TTYH2: variants seen among roughly 807,000 people sequenced by gnomAD.
TTYH2 encodes tweety family member 2.
Under a neutral mutation model 68.3 loss-of-function variants are expected in TTYH2, and 49 were observed. The observed-to-expected ratio is 0.72, with a 90% confidence interval of 0.57 to 0.91. The LOEUF (loss-of-function observed/expected upper bound fraction) is 0.91. Ranked by LOEUF, TTYH2 falls within the 40% of genes least tolerant of loss-of-function variation. The pLI is 0.00. For missense variants in TTYH2, 631 were observed against 700.4 expected, an observed-to-expected ratio of 0.90 and a Z score of 1.12; for synonymous variants, 272 against 300.8, an observed-to-expected ratio of 0.90 and a Z score of 0.99.
At chr17:74,233,399 A>T (rs549442239) in intron 3 of TTYH2, among the ~76,000 whole-genome samples, 1 of 152,358 alleles carries the variant, frequency 6.6e-6, no homozygotes, top group Admixed American at 6.5e-5. Context: ...AATGTCAGTG[A>T]AAGTGCTGGT....
At position 74,260,162 on chromosome 17, in the gene TTYH2, G is replaced by C. The variant is rs746139379; in HGVS notation, c.1558G>C (p.Val520Leu). 28 of 1,613,962 alleles carry C rather than the reference G, an allele frequency of 1.7e-5. No homozygotes were observed. In the South Asian group the frequency reaches 2.7e-4, roughly 16 times the overall value. ...CAGCATGAGAGCCACCTACCTGTCT[G>C]TGGCGGATGAGCACCTGAGGCACTA... ...SPSMRATYLS[V>L]ADEHLRHYGN... is the part of the protein sequence containing the mutation. The change falls in exon 14 of 14, where the codon GTG (valine) becomes CTG (leucine). Residue 520 changes from valine to leucine, a missense_variant. Transcript: ENST00000269346.
intron 9 of TTYH2, 84 bp from the exon 10 acceptor site, chr17:74,250,181 C>A: frequency 6.8e-7 from 1 of 1,480,750 alleles, no homozygotes; most frequent in Admixed American, 1.9e-5. Context: ...CTCTAGAGGC[C>A]CCTGAGCACA....
At position 74,250,083 on chromosome 17, in the gene TTYH2, C is replaced by G. The variant is rs73996938; in HGVS notation, c.1023+55C>G. The stretch of plus-strand genomic sequence containing the variant: ...CCCAGATGAACCCTGACAGCCCTTT[C>G]CCCTGCCCCGGCCCCAGGGCCAGGC... On this transcript the variant is annotated intron_variant, in intron 9 of 13. Coordinates refer to ENST00000269346, the MANE Select transcript of TTYH2 (RefSeq NM_032646.6). 47 of 1,592,614 alleles carry G rather than the reference C, an allele frequency of 3.0e-5. 2 individuals carry two copies. In the South Asian group the frequency reaches 5.2e-4, roughly 18 times the overall value.
rs144341487 is a variant in TTYH2 at position 74,240,161 on chromosome 17, G to A, written c.635+2647G>A. On this transcript the variant is annotated intron_variant, in intron 4 of 13. Coordinates refer to ENST00000269346, the MANE Select transcript of TTYH2 (RefSeq NM_032646.6). ...CCCACTGCTTATTCGGGTTGAGGCA[G>A]AAGAGGTTTGGCTCATGCTGTAATC... 5.9e-5 allele frequency among the ~76,000 whole-genome samples: 9 copies of A among 152,318 alleles called. No individual in the cohort carries two copies. The East Asian group carries it at 1.4e-3, about 23-fold the overall frequency.
rs1356387364 is a variant in TTYH2, at chr17:74,213,815, G to C, written c.129+99G>C. 9 of 1,438,276 alleles carry C rather than the reference G, an allele frequency of 6.3e-6. No individual in the cohort carries two copies. Among genetic ancestry groups the C allele is most frequent in the Non-Finnish European group, 7.6e-6 (8 of 1,058,688 alleles). The allele number at this position is 1,438,276 out of a possible 1,614,324, so 89.1% of individuals were successfully genotyped here. On this transcript the variant is annotated intron_variant, in intron 1 of 13. Coordinates refer to ENST00000269346, the MANE Select transcript of TTYH2 (RefSeq NM_032646.6). The surrounding 1 kb of genome is among the most constrained non-coding windows in gnomAD (Gnocchi z 6.1). ...CCTGCACTTTCCCACGTGCCTCTCA[G>C]ACCCCTTCTCTCCCCGCGCAGCCCT...
intron 1 of TTYH2, among the ~76,000 whole-genome samples, chr17:74,219,933 A>G (rs1183581058): frequency 6.6e-6 from 1 of 150,400 alleles, no homozygotes; most frequent in Non-Finnish European, 1.5e-5. Flanking sequence ...TTGCTGGGTC[A>G]TGGCATGCAT....
chr17:74,252,155 G>A (rs2050637452), intron 10 of TTYH2, 79 bp from the exon 11 acceptor site: 2 of 1,575,302 alleles, frequency 1.3e-6, no homozygotes, highest in South Asian at 2.3e-5. Flanking sequence ...TCGGGGGAGA[G>A]GGACTTCCAG....
Position 74,215,221 on chromosome 17 carries a change from G to A in TTYH2, c.129+1505G>A, listed in dbSNP as rs2050210973. Among the ~76,000 whole-genome samples the A allele has an allele frequency of 6.7e-6, 1 of 150,058 alleles. No individual in the cohort carries two copies. Among genetic ancestry groups the A allele is most frequent in the Admixed American group, 6.6e-5 (1 of 15,152 alleles). ...TGTGTGTGTCCCCATCCCAAACCCT[G>A]TGCCCCACATCCCACACCCGGGGTC... On this transcript the variant is annotated intron_variant, in intron 1 of 13. Transcript: ENST00000269346. The surrounding 1 kb of genome is among the most constrained non-coding windows in gnomAD (Gnocchi z 4.3).
intron 13 of TTYH2, 128 bp downstream of exon 13, chr17:74,253,961 C>A: frequency 1.0e-6 from 1 of 988,280 alleles, no homozygotes; most frequent in Non-Finnish European, 1.5e-6. Flanking sequence ...ATGCACTAAA[C>A]CAGACCGTCG....
rs889765440 is a variant in TTYH2 at position 74,213,680 on chromosome 17, C to G, written c.93C>G (p.Asn31Lys). 4.3e-6 allele frequency: 7 copies of G among 1,612,844 alleles called. No individual in the cohort carries two copies. In the African/African-American group the frequency reaches 8.0e-5, roughly 18 times the overall value. The change falls in exon 1 of 14, where the codon AAC (asparagine) becomes AAG (lysine). Residue 31 changes from asparagine to lysine, a missense_variant. Asn to Lys is a moderately conservative substitution (Grantham distance 94). Transcript: ENST00000269346. The surrounding 1 kb of genome is among the most constrained non-coding windows in gnomAD (Gnocchi z 6.1). Reference sequence around the variant, plus strand: ...TCGGCCTGCGCCTGCAGCCCGTGAACAGCACCTTCAGCCCCGGCGACGAGA... The same window carrying G: ...TCGGCCTGCGCCTGCAGCCCGTGAAGAGCACCTTCAGCCCCGGCGACGAGA... ...PHVGLRLQPV[N>K]STFSPGDESY...
At chr17:74,244,525 C>G (rs1053947231) in intron 6 of TTYH2, among the ~76,000 whole-genome samples, 1 of 152,164 alleles carries the variant, frequency 6.6e-6, no homozygotes, top group African/African-American at 2.4e-5. Context: ...CCTTCCATCC[C>G]AATGTCCCAG....
At chr17:74,248,602 G>A in intron 6 of TTYH2, 2 of 1,062,238 alleles carry the variant, frequency 1.9e-6, no homozygotes, top group Middle Eastern at 4.5e-4. Context: ...CAGCAGATGA[G>A]GCCATGGTGT....
At chr17:74,253,044 C>T (rs755073226) in intron 11 of TTYH2, 37 bp from the exon 12 acceptor site, 2 of 1,609,512 alleles carry the variant, frequency 1.2e-6, no homozygotes, top group East Asian at 4.5e-5. Flanking sequence ...GCCTCCTTCA[C>T]CCTTCACAGC....
At position 74,214,725 on chromosome 17, in the gene TTYH2, G is replaced by C. The variant is rs1003437846; in HGVS notation, c.129+1009G>C. ...TGTTGGGTCAAAGATTCTGGGGCCA[G>C]TGGACCAGGATGAGGTCCATTTATT... On this transcript the variant is annotated intron_variant, in intron 1 of 13. Coordinates refer to ENST00000269346, the MANE Select transcript of TTYH2 (RefSeq NM_032646.6). The surrounding 1 kb of genome is among the most constrained non-coding windows in gnomAD (Gnocchi z 4.6). Among the ~76,000 whole-genome samples the C allele has an allele frequency of 6.6e-6, 1 of 152,210 alleles. No individual in the cohort carries two copies. The highest frequency in any genetic ancestry group is 1.5e-5 in the Non-Finnish European group (1 of 68,032).
chr17:74,227,550 A>T (rs569369950), intron 2 of TTYH2, among the ~76,000 whole-genome samples: 1 of 152,248 alleles, frequency 6.6e-6, no homozygotes, highest in African/African-American at 2.4e-5. Context: ...TAAATATCTC[A>T]GCTGAGCACT....
At chr17:74,238,164 A>G (rs985136204) in intron 4 of TTYH2, among the ~76,000 whole-genome samples, 2 of 152,092 alleles carry the variant, frequency 1.3e-5, no homozygotes, top group Admixed American at 1.3e-4. Flanking sequence ...GCAGGGTGGA[A>G]ACGCCACATG....
Position 74,222,610 on chromosome 17 carries a change from C to T in TTYH2, c.255C>T (p.His85=), listed in dbSNP as rs577875496. Reference sequence around the variant, plus strand: ...ATGCGGTGCAGACCAAGCAGCACCACTCCTGCTGCATCACCTGGACGGCCG... The same window carrying T: ...ATGCGGTGCAGACCAAGCAGCACCATTCCTGCTGCATCACCTGGACGGCCG... The part of the protein sequence containing the change: ...RDDAVQTKQH[H]SCCITWTAVV... Residue 85 remains histidine, a synonymous_variant, in exon 2 of 14, where the codon CAC becomes CAT. Coordinates refer to ENST00000269346, the MANE Select transcript of TTYH2 (RefSeq NM_032646.6). This position sits in a 1 kb window ranked among gnomAD's most constrained non-coding sequence, Gnocchi z 5.2. The T allele has an allele frequency of 3.7e-6, 6 of 1,611,966 alleles. No homozygotes were observed. The highest frequency in any genetic ancestry group is 2.7e-5 in the African/African-American group (2 of 75,080).
rs759626821 is a variant in TTYH2 at position 74,253,130 on chromosome 17, G to C, written c.1309G>C (p.Ala437Pro). ...TGATGATGACCCCTTTAACCCCCAA[G>C]CCTGGCGCATGGCGGCTCACAGTCC... Reference protein sequence around the residue: ...IDDDDPFNPQAWRMAAHSPPR... With the variant: ...IDDDDPFNPQPWRMAAHSPPR... Residue 437 changes from alanine (A) to proline (P), a missense_variant, in exon 12 of 14, where the codon GCC becomes CCC. Ala to Pro is a conservative substitution (Grantham distance 27, BLOSUM62 -1). Transcript: ENST00000269346. The C allele has an allele frequency of 1.2e-6, 2 of 1,613,806 alleles. No individual in the cohort carries two copies. Among genetic ancestry groups the C allele is most frequent in the African/African-American group, 1.3e-5 (1 of 74,916 alleles).
At chr17:74,231,332 T>C (rs996896011) in intron 3 of TTYH2, among the ~76,000 whole-genome samples, 1 of 152,228 alleles carries the variant, frequency 6.6e-6, no homozygotes, top group African/African-American at 2.4e-5. Flanking sequence ...TTTTTTGTTT[T>C]CATTTTAAGT....
Sources: allele counts gnomAD v4.1 joint callset (sites outside exome capture counted in the v4.1 genomes callset), GRCh38; gene constraint gnomAD v4.1.1; non-coding constraint Gnocchi (gnomAD v3.1); transcripts MANE v1.5; gene names NCBI Gene and HGNC (gene_info 2026-07-23, HGNC 2026-07-21).